The following ACTL6B variants were observed in gnomAD, a reference collection of about 807,000 sequenced individuals.
The protein encoded by ACTL6B is actin like 6B.
ACTL6B carries 48 observed loss-of-function variants against 63.3 expected under a neutral mutation model. The ratio of observed to expected loss-of-function variants is 0.76; its 90% CI spans 0.60 to 0.96. The LOEUF (loss-of-function observed/expected upper bound fraction) is 0.96. ACTL6B is among the 50% of genes least tolerant of loss of function. The pLI is 0.00. For synonymous variants in ACTL6B, 230 were observed against 223.8 expected (o/e 1.03, Z -0.25); for missense variants, 350 against 572.2 (o/e 0.61, Z 3.96).
chr7:100,655,578 G>A lies in ACTL6B; in HGVS notation c.111C>T (p.Phe37=). 3 of 1,612,598 alleles carry A rather than the reference G, an allele frequency of 1.9e-6. No individual in the cohort carries two copies. The highest frequency in any genetic ancestry group is 2.5e-6 in the Non-Finnish European group (3 of 1,179,276). Residue 37 remains phenylalanine (F), a synonymous_variant, in exon 3 of 14, where the codon TTC becomes TTT. Coordinates refer to ENST00000160382, the MANE Select transcript of ACTL6B (RefSeq NM_016188.5). This position sits in a 1 kb window ranked among gnomAD's most constrained non-coding sequence, Gnocchi z 4.4. ...CGGCCAGCAGCCCCACTGTGGTGGG[G>A]AAGTCAGCCTGGTGGGGAAGGGTTG... The part of the protein sequence containing the change: ...YAGEDCPKAD[F]PTTVGLLAAE...
At position 100,646,848 on chromosome 7, in the gene ACTL6B, C is replaced by T. The variant is rs1161884161; in HGVS notation, c.937-17G>A. 2 of 1,609,122 alleles carry T rather than the reference C, an allele frequency of 1.2e-6. No individual in the cohort carries two copies. Among genetic ancestry groups the T allele is most frequent in the East Asian group, 2.2e-5 (1 of 44,810 alleles). ...CGACAGGCCCTGCAGAGAGAGGTGA[C>T]TGGGGCTGTGGGCTCTCTCCCCCTT... On this transcript the variant is annotated splice_polypyrimidine_tract_variant and intron_variant, in intron 10 of 13. Coordinates refer to ENST00000160382, the MANE Select transcript of ACTL6B (RefSeq NM_016188.5). This position sits in a 1 kb window ranked among gnomAD's most constrained non-coding sequence, Gnocchi z 6.1.
At chr7:100,652,514 G>A (rs1463400875) in intron 4 of ACTL6B, among the ~76,000 whole-genome samples, 1 of 146,582 alleles carries the variant, frequency 6.8e-6, no homozygotes, top group Non-Finnish European at 1.5e-5. Context: ...GGAGAACCCA[G>A]GAGGTGGAGC....
intron 4 of ACTL6B, among the ~76,000 whole-genome samples, chr7:100,653,403 C>T (rs955322957): frequency 5.3e-5 from 8 of 151,664 alleles, no homozygotes; most frequent in Non-Finnish European, 1.2e-4. Context: ...TAATCCCAGC[C>T]TTTTGGGAGG....
chr7:100,650,168 G>A, intron 4 of ACTL6B, 33 bp from the exon 5 acceptor site: 5 of 1,601,352 alleles, frequency 3.1e-6, no homozygotes, highest in Non-Finnish European at 4.3e-6. Context: ...GAGGATTCAG[G>A]AAGGGAGAGG....
chr7:100,656,393 G>T lies in ACTL6B; in HGVS notation c.-39C>A. 2 of 1,309,546 alleles carry T rather than the reference G, an allele frequency of 1.5e-6. No individual in the cohort carries two copies. Among genetic ancestry groups the T allele is most frequent in the South Asian group, 2.1e-5 (1 of 47,966 alleles). 81.1% of individuals were successfully genotyped at this position (1,309,546 alleles called of 1,614,324 possible). On this transcript the variant is annotated 5_prime_UTR_variant, in exon 1 of 14. Transcript: ENST00000160382. The stretch of plus-strand genomic sequence containing the variant: ...CTGCTAGCGGCCCGTGGGCGGTGGC[G>T]GGATCAGCACCGAGGCGGCCGGACA...
Position 100,655,121 on chromosome 7 carries a change from T to A in ACTL6B, c.269-2A>T. On this transcript the variant is annotated splice_acceptor_variant, in intron 3 of 13. Transcript: ENST00000160382. LOFTEE classifies it high-confidence loss of function. This position sits in a 1 kb window ranked among gnomAD's most constrained non-coding sequence, Gnocchi z 4.4. ...CTCGGAAGCACTCCCAGTCCTCGAC[T>A]GGGGCCAGAAGAGCAGCGTGCAGAG... The A allele has an allele frequency of 6.2e-7, 1 of 1,612,548 alleles. No individual in the cohort carries two copies. The highest frequency in any genetic ancestry group is 8.5e-7 in the Non-Finnish European group (1 of 1,178,896).
In ACTL6B at chr7:100,648,561, C is replaced by T; in HGVS notation, c.664G>A (p.Ala222Thr). The change falls in exon 7 of 14, where the codon GCC becomes ACC. Residue 222 changes from alanine (A) to threonine (T), a missense_variant. Ala to Thr is a moderately conservative substitution (Grantham distance 58). This residue lies in a region of ACTL6B where 250 missense variants were observed against 364.7 expected (regional missense o/e 0.69). Transcript: ENST00000160382. The surrounding 1 kb of genome is among the most constrained non-coding windows in gnomAD (Gnocchi z 4.4). The stretch of plus-strand genomic sequence containing the variant: ...CATGTCCCCAGAGGCCCCACCTTGG[C>T]TGCGATCATGTAAGGTGGGATGATG... ...IDIIPPYMIAAKEPVREGAPP... is the reference protein window; with the variant it reads ...IDIIPPYMIATKEPVREGAPP... 6.2e-7 allele frequency: 1 copy of T among 1,602,346 alleles called. No homozygotes were observed. Among genetic ancestry groups the T allele is most frequent in the Non-Finnish European group, 8.5e-7 (1 of 1,173,400 alleles).
At position 100,655,039 on chromosome 7, in the gene ACTL6B, C is replaced by G; in HGVS notation, c.349G>C (p.Val117Leu). The G allele has an allele frequency of 6.8e-6, 11 of 1,614,006 alleles. No homozygotes were observed. The highest frequency in any genetic ancestry group is 9.3e-6 in the Non-Finnish European group (11 of 1,179,988). ...CTCACCGGAGCCTCGGACATGAGCA[C>G]TGGGTGCAGGTTTGGCTCAGACTTG... The part of the protein sequence containing the change: ...HVKSEPNLHP[V>L]LMSEAPWNTR... The change falls in exon 4 of 14, where the codon GTG (valine) becomes CTG (leucine). Residue 117 changes from valine (V) to leucine (L), a missense_variant. This residue lies in a region of ACTL6B where 250 missense variants were observed against 364.7 expected (regional missense o/e 0.69). Transcript: ENST00000160382. The surrounding 1 kb of genome is among the most constrained non-coding windows in gnomAD (Gnocchi z 4.4).
Position 100,648,160 on chromosome 7 carries a change from A to T in ACTL6B, c.669+396T>A, listed in dbSNP as rs1299456981. ...GTTTTAGTAGAGACGTGGCTTCACC[A>T]TGTTGCCCAGGCTGGTCTCGAAGTG... is the stretch of plus-strand genomic sequence containing the variant. On this transcript the variant is annotated intron_variant, in intron 7 of 13. Transcript: ENST00000160382. This position sits in a 1 kb window ranked among gnomAD's most constrained non-coding sequence, Gnocchi z 4.4. The T allele has an allele frequency of 6.2e-6, 1 of 160,204 alleles. No individual in the cohort carries two copies. The highest frequency in any genetic ancestry group is 2.4e-5 in the African/African-American group (1 of 41,552). 9.9% of individuals were successfully genotyped at this position (160,204 alleles called of 1,614,324 possible).
At chr7:100,653,025 A>AAAAAAAAAAAAAAAAAAAAAAAT in intron 4 of ACTL6B, among the ~76,000 whole-genome samples, 1 of 146,490 alleles carries the variant, frequency 6.8e-6, no homozygotes, top group Non-Finnish European at 1.5e-5. Context: ...AAAAAAAAAA[A>AAAAAAAAAAAAAAAAAAAAAAAT]AAAAAAAAAA....
Position 100,647,161 on chromosome 7 carries a change from G to GCC in ACTL6B, c.821+60_821+61dup. On this transcript the variant is annotated intron_variant, in intron 9 of 13. Coordinates refer to ENST00000160382, the MANE Select transcript of ACTL6B (RefSeq NM_016188.5). The surrounding 1 kb of genome is among the most constrained non-coding windows in gnomAD (Gnocchi z 4.4). ...GCGTGGGCAGCACCAGAGCCCCCCA[G>GCC]CCCACCCCAAGAGTGCCGGTTCTGC... is the stretch of plus-strand genomic sequence containing the variant. 6.3e-7 allele frequency: 1 copy of GCC among 1,591,176 alleles called. No individual in the cohort carries two copies. Among genetic ancestry groups the GCC allele is most frequent in the Non-Finnish European group, 8.6e-7 (1 of 1,159,720 alleles).
chr7:100,648,051 C>T lies in ACTL6B; in HGVS notation c.669+505G>A, dbSNP rs185460237. Reference sequence around the variant, plus strand: ...CTCGGCTCACTGCAACCTCTGCCTCCGGGGTTCAGGTGATTCTCCAGTCTC... The same window carrying T: ...CTCGGCTCACTGCAACCTCTGCCTCTGGGGTTCAGGTGATTCTCCAGTCTC... On this transcript the variant is annotated intron_variant, in intron 7 of 13. Coordinates refer to ENST00000160382, the MANE Select transcript of ACTL6B (RefSeq NM_016188.5). This position sits in a 1 kb window ranked among gnomAD's most constrained non-coding sequence, Gnocchi z 4.4. Among the ~76,000 whole-genome samples, 547 of 151,842 alleles carry T rather than the reference C, an allele frequency of 3.6e-3. 2 individuals are homozygous for T. Among genetic ancestry groups the T allele is most frequent in the African/African-American group, 0.012 (512 of 41,382 alleles).
chr7:100,655,347 G>T lies in ACTL6B; in HGVS notation c.268+74C>A. The T allele has an allele frequency of 6.6e-7, 1 of 1,505,046 alleles. No individual in the cohort carries two copies. Among genetic ancestry groups the T allele is most frequent in the South Asian group, 1.2e-5 (1 of 81,530 alleles). 93.2% of individuals were successfully genotyped at this position (1,505,046 alleles called of 1,614,324 possible). On this transcript the variant is annotated intron_variant, in intron 3 of 13. Transcript: ENST00000160382. This position sits in a 1 kb window ranked among gnomAD's most constrained non-coding sequence, Gnocchi z 4.4. ...CTGCAAGGAAGACTCCGCGGGGAGTGGGGGCTGCTATGACCCAGATTGTGG... is the reference window on the plus strand; with the variant it reads ...CTGCAAGGAAGACTCCGCGGGGAGTTGGGGCTGCTATGACCCAGATTGTGG...
rs527955931 is a variant in ACTL6B, at chr7:100,655,039, C to T, written c.349G>A (p.Val117Met). 3.7e-6 allele frequency: 6 copies of T among 1,614,006 alleles called. No individual in the cohort carries two copies. The highest frequency in any genetic ancestry group is 1.1e-5 in the South Asian group (1 of 91,076). ...CTCACCGGAGCCTCGGACATGAGCA[C>T]TGGGTGCAGGTTTGGCTCAGACTTG... ...HVKSEPNLHP[V>M]LMSEAPWNTR... Residue 117 changes from valine to methionine, a missense_variant, in exon 4 of 14, where the codon GTG becomes ATG. By Grantham distance (21) the Val-to-Met change is conservative. This residue lies in a region of ACTL6B where 250 missense variants were observed against 364.7 expected (regional missense o/e 0.69). Transcript: ENST00000160382. This position sits in a 1 kb window ranked among gnomAD's most constrained non-coding sequence, Gnocchi z 4.4.
In ACTL6B at chr7:100,648,541, C is replaced by T; in HGVS notation, c.669+15G>A. On this transcript the variant is annotated intron_variant, in intron 7 of 13. Transcript: ENST00000160382. This position sits in a 1 kb window ranked among gnomAD's most constrained non-coding sequence, Gnocchi z 4.4. ...CAGGACTCTAGTGGCAGCTCCATGT[C>T]CCCAGAGGCCCCACCTTGGCTGCGA... 1.9e-6 allele frequency: 3 copies of T among 1,576,934 alleles called. No individual in the cohort carries two copies. The highest frequency in any genetic ancestry group is 2.6e-6 in the Non-Finnish European group (3 of 1,161,002).
In ACTL6B at chr7:100,652,171, G is replaced by A. The variant is rs184190089; in HGVS notation, c.370-2036C>T. 8.1e-3 allele frequency among the ~76,000 whole-genome samples: 1,236 copies of A among 152,214 alleles called. 14 individuals are homozygous for A. Among genetic ancestry groups the A allele is most frequent in the African/African-American group, 0.026 (1,073 of 41,542 alleles). ...CCCAGCACTTTGGGAGGCCGAGGCC[G>A]GCGGATCGCGAGGTCAGGAGATGGA... On this transcript the variant is annotated intron_variant, in intron 4 of 13. Transcript: ENST00000160382.
chr7:100,645,937 TC>T (rs1451775177), intron 13 of ACTL6B, among the ~76,000 whole-genome samples: 1 of 152,156 alleles, frequency 6.6e-6, no homozygotes, highest in East Asian at 1.9e-4. Context: ...CAGCCTCTTC[TC>T]CCCAGTTTGT....
chr7:100,646,233 G>A lies in ACTL6B; in HGVS notation c.1200+16C>T, dbSNP rs192831187. On this transcript the variant is annotated intron_variant, in intron 13 of 13. Coordinates refer to ENST00000160382, the MANE Select transcript of ACTL6B (RefSeq NM_016188.5). The surrounding 1 kb of genome is among the most constrained non-coding windows in gnomAD (Gnocchi z 6.1). ...TCCCCCACAGTCAGTGCTAGGCCAG[G>A]TCCCTTTCCTCTCACCAGTGAGGCC... The A allele has an allele frequency of 3.0e-5, 48 of 1,611,680 alleles. No individual in the cohort carries two copies. The highest frequency in any genetic ancestry group is 2.7e-4 in the African/African-American group (20 of 74,986).
Position 100,648,888 on chromosome 7 carries a change from G to A in ACTL6B, c.468-65C>T, listed in dbSNP as rs1355782023. On this transcript the variant is annotated intron_variant, in intron 5 of 13. Transcript: ENST00000160382. The surrounding 1 kb of genome is among the most constrained non-coding windows in gnomAD (Gnocchi z 4.4). Reference sequence around the variant, plus strand: ...AGTGAGGGGCCTGGGCCCAGATCTTGTCTGGTCACTCTCTGCTCTACCGGG... The same window carrying A: ...AGTGAGGGGCCTGGGCCCAGATCTTATCTGGTCACTCTCTGCTCTACCGGG... 4.0e-6 allele frequency: 6 copies of A among 1,496,590 alleles called. No homozygotes were observed. Among genetic ancestry groups the A allele is most frequent in the Non-Finnish European group, 5.4e-6 (6 of 1,104,114 alleles). The allele number at this position is 1,496,590 out of a possible 1,614,324, so 92.7% of individuals were successfully genotyped here. A position where few individuals can be genotyped will look rare whatever the true frequency, so the allele number is the denominator to read the frequency against.
Sources: gnomAD v4.1 joint callset for allele counts (sites outside exome capture counted in the v4.1 genomes callset) on GRCh38, gnomAD v4.1.1 for gene constraint, gnomAD v4.1.1 regional missense constraint, Gnocchi (gnomAD v3.1) non-coding constraint, MANE v1.5 for transcripts, NCBI Gene and HGNC (gene_info 2026-07-23, HGNC 2026-07-21) for gene names.